The following RGS6 variants were observed in gnomAD, a reference collection of about 807,000 sequenced individuals.
RGS6 encodes the protein regulator of G protein signaling 6, also known as regulator of G-protein signaling 6.
RGS6 carries 30 observed loss-of-function variants against 78.5 expected under a neutral mutation model. The observed-to-expected ratio is 0.38, with a 90% CI of 0.29 to 0.52. The LOEUF (loss-of-function observed/expected upper bound fraction) is 0.52, where lower values mean the gene tolerates loss of function less well. Among genes scored for constraint, RGS6 ranks in the 20% least tolerant of loss-of-function variants. The pLI is 0.85. For missense variants in RGS6, 495 were observed against 609.7 expected, an observed-to-expected ratio of 0.81 and a Z score of 1.98; for synonymous variants, 206 against 206.0, an observed-to-expected ratio of 1.00 and a Z score of 0.00.
chr14:71,963,471 C>T (rs1027239495), intron 1 of RGS6, among the ~76,000 whole-genome samples: 1 of 152,298 alleles, frequency 6.6e-6, no homozygotes, highest in East Asian at 1.9e-4. Context: ...ATCAAGGCCC[C>T]TGAAGGAGAC....
intron 3 of RGS6, chr14:72,421,680 C>T (rs1415022292): frequency 6.6e-6 from 1 of 152,194 alleles, no homozygotes; most frequent in African/African-American, 2.4e-5. Flanking sequence ...GGCTCTAGTC[C>T]CAGCATCAGT....
chr14:72,461,335 G>A (rs1455108501), intron 6 of RGS6, among the ~76,000 whole-genome samples: 1 of 152,132 alleles, frequency 6.6e-6, no homozygotes, highest in African/African-American at 2.4e-5. Context: ...AAAGCTTAGG[G>A]CATCTTATGC....
At chr14:72,232,801 A>T (rs2049988206) in intron 2 of RGS6, among the ~76,000 whole-genome samples, 1 of 152,148 alleles carries the variant, frequency 6.6e-6, no homozygotes, top group African/African-American at 2.4e-5. Context: ...GGGATGAAGT[A>T]ATGAGAGGAC....
chr14:72,622,785 C>A, the RGS6 span, among the ~76,000 whole-genome samples: 1 of 152,064 alleles, frequency 6.6e-6, no homozygotes, highest in Non-Finnish European at 1.5e-5. Context: ...AATGGGAATC[C>A]CATTCTCGGA....
At chr14:72,526,662 G>C (rs2097124678) in intron 15 of RGS6, among the ~76,000 whole-genome samples, 1 of 145,782 alleles carries the variant, frequency 6.9e-6, no homozygotes, top group Admixed American at 6.6e-5. Flanking sequence ...GTCCTACTTA[G>C]GAGGCTAAGG....
intron 13 of RGS6, among the ~76,000 whole-genome samples, 178 bp downstream of exon 13, chr14:72,495,440 G>T (rs1301645120): frequency 6.6e-6 from 1 of 152,094 alleles, no homozygotes; most frequent in Non-Finnish European, 1.5e-5. Flanking sequence ...GCTTTGATTT[G>T]TGCATGGATC....
the RGS6 span, among the ~76,000 whole-genome samples, chr14:72,594,095 G>A: frequency 2.6e-5 from 4 of 152,114 alleles, no homozygotes; most frequent in African/African-American, 4.8e-5. Flanking sequence ...CTTATGAAAC[G>A]TCTTTTAATC....
At chr14:72,459,354 A>G (rs1446698818) in intron 5 of RGS6, among the ~76,000 whole-genome samples, 2 of 152,238 alleles carry the variant, frequency 1.3e-5, no homozygotes, top group African/African-American at 2.4e-5. Context: ...TGACTTTTGT[A>G]CTTAGACCTC....
chr14:72,362,631 C>G (rs1176902398), intron 3 of RGS6, among the ~76,000 whole-genome samples: 1 of 152,168 alleles, frequency 6.6e-6, no homozygotes, highest in Non-Finnish European at 1.5e-5. Context: ...TTCACAGCCT[C>G]TTGGTCTTAG....
At chr14:72,171,831 C>T (rs1290240048) in intron 2 of RGS6, among the ~76,000 whole-genome samples, 2 of 152,210 alleles carry the variant, frequency 1.3e-5, no homozygotes, top group African/African-American at 4.8e-5. Context: ...ACCCTTACAA[C>T]AACCCTATGA....
At chr14:72,200,733 G>C (rs1177168302) in intron 2 of RGS6, among the ~76,000 whole-genome samples, 2 of 152,120 alleles carry the variant, frequency 1.3e-5, no homozygotes, top group African/African-American at 4.8e-5. Context: ...ATGTCTGGGG[G>C]ATTCCAGATA....
At chr14:71,898,220 G>A in the RGS6 span, among the ~76,000 whole-genome samples, 3 of 152,086 alleles carry the variant, frequency 2.0e-5, no homozygotes, top group Admixed American at 6.6e-5. Flanking sequence ...TAAATCTCCA[G>A]AACTTACTCA....
chr14:72,225,312 T>A (rs969899434), intron 2 of RGS6, among the ~76,000 whole-genome samples: 2 of 152,148 alleles, frequency 1.3e-5, no homozygotes, highest in African/African-American at 4.8e-5. Context: ...AAAAAAACAT[T>A]CACTGTGTTT....
intron 3 of RGS6, among the ~76,000 whole-genome samples, chr14:72,422,143 C>G (rs532218706): frequency 1.3e-5 from 2 of 152,318 alleles, no homozygotes; most frequent in Admixed American, 6.5e-5. Context: ...ACATGACTTG[C>G]ACCTCCTTGC....
At chr14:72,535,240 GA>G (rs1306837662) in intron 15 of RGS6, among the ~76,000 whole-genome samples, 3 of 152,280 alleles carry the variant, frequency 2.0e-5, no homozygotes, top group Admixed American at 1.3e-4. Flanking sequence ...GGGAGCCGAG[GA>G]AAAGAGGCGG....
the RGS6 span, among the ~76,000 whole-genome samples, chr14:72,611,582 C>T: frequency 0.041 from 6,191 of 152,198 alleles, 450 homozygotes; most frequent in African/African-American, 0.14. Flanking sequence ...TTTTCTGCCT[C>T]TGATCAGGCC....
intron 2 of RGS6, among the ~76,000 whole-genome samples, chr14:72,212,439 A>C (rs2153768012): frequency 6.6e-6 from 1 of 152,306 alleles, no homozygotes; most frequent in African/African-American, 2.4e-5. Context: ...GTTATGATTT[A>C]TGAGGGGCCA....
chr14:72,247,908 A>G (rs1264623252), intron 2 of RGS6, among the ~76,000 whole-genome samples: 1 of 152,180 alleles, frequency 6.6e-6, no homozygotes, highest in African/African-American at 2.4e-5. Flanking sequence ...CCAGAACTAT[A>G]AGAAATAAAT....
chr14:71,950,671 G>A (rs1595099489), intron 1 of RGS6, among the ~76,000 whole-genome samples: 1 of 152,250 alleles, frequency 6.6e-6, no homozygotes, highest in East Asian at 1.9e-4. Context: ...CTATCCACCT[G>A]ACAAAGATCT....
Sources: gnomAD v4.1 joint callset for allele counts (sites outside exome capture counted in the v4.1 genomes callset) on GRCh38, gnomAD v4.1.1 for gene constraint, MANE v1.5 for transcripts, NCBI Gene and HGNC (gene_info 2026-07-23, HGNC 2026-07-21) for gene names.